The following PIEZO2 variants were observed in gnomAD, a reference collection of about 807,000 sequenced individuals.
PIEZO2 encodes the protein piezo-type mechanosensitive ion channel component 2.
PIEZO2 carries 172 observed loss-of-function variants against 337.3 expected under a neutral mutation model. The observed-to-expected ratio is 0.51, with a 90% CI of 0.45 to 0.58. The LOEUF (loss-of-function observed/expected upper bound fraction) is 0.58. PIEZO2 is among the 20% of genes least tolerant of loss of function. PIEZO2 has a pLI of 0.00. For synonymous variants in PIEZO2, 1,251 were observed against 1,228.5 expected, an observed-to-expected ratio of 1.02 and a Z score of -0.38; for missense variants, 3,028 against 3,391.3, an observed-to-expected ratio of 0.89 and a Z score of 2.66.
In PIEZO2 at chr18:10,757,126, G is replaced by A. The variant is rs1046744785; in HGVS notation, c.3923+843C>T. Among the ~76,000 whole-genome samples, 10 of 151,270 alleles carry A rather than the reference G, an allele frequency of 6.6e-5. No homozygotes were observed. The South Asian group carries it at 2.1e-3, about 32-fold the overall frequency. On this transcript the variant is annotated intron_variant, in intron 27 of 55. Transcript: ENST00000674853. ...GGAGGAGAAATGGGGATAAGGATGA[G>A]GGTTGGGGATAAAGTTGAGGGATGG...
chr18:10,763,348 G>C, intron 21 of PIEZO2: 2 of 472,002 alleles, frequency 4.2e-6, no homozygotes, highest in Non-Finnish European at 7.5e-6. Context: ...TGTAGCACTG[G>C]CTAAGCTATC....
chr18:10,763,161 C>T, intron 21 of PIEZO2, 63 bp from the exon 22 acceptor site: 1 of 1,465,696 alleles, frequency 6.8e-7, no homozygotes, highest in Non-Finnish European at 9.2e-7. Flanking sequence ...AACAGGACAG[C>T]CACAAAACAG....
chr18:10,698,856 C>T (rs1182709097), intron 44 of PIEZO2, 69 bp downstream of exon 44: 7 of 1,520,020 alleles, frequency 4.6e-6, no homozygotes, highest in African/African-American at 1.4e-5. Context: ...GCCCCAGACC[C>T]ACAGGCACCA....
At position 10,822,430 on chromosome 18, in the gene PIEZO2, G is replaced by A. The variant is rs537206542; in HGVS notation, c.918-15156C>T. Among the ~76,000 whole-genome samples the A allele has an allele frequency of 1.6e-4, 25 of 152,316 alleles. No homozygotes were observed. The East Asian group carries it at 4.2e-3, about 26-fold the overall frequency. On this transcript the variant is annotated intron_variant, in intron 7 of 55. Coordinates refer to ENST00000674853, the MANE Select transcript of PIEZO2 (RefSeq NM_001378183.1). ...TTAAAATTCCCTTTTCCAGGGTGGT[G>A]ATGGCTAAAAATACCTTTGAGAAAA...
chr18:10,776,695 G>A (rs903518426), intron 18 of PIEZO2, among the ~76,000 whole-genome samples: 6 of 152,126 alleles, frequency 3.9e-5, no homozygotes, highest in South Asian at 2.1e-4. Context: ...GAGTGGGAGC[G>A]GCAGAGGTGG....
chr18:10,752,605 G>A (rs574157027), intron 28 of PIEZO2, 31 bp downstream of exon 28: 22 of 1,533,012 alleles, frequency 1.4e-5, no homozygotes, highest in Admixed American at 3.9e-5. Context: ...CACGAAAACC[G>A]CAAATGTGTT....
At chr18:10,696,040 G>A (rs1484245937) in intron 47 of PIEZO2, 34 bp downstream of exon 47, 4 of 1,566,810 alleles carry the variant, frequency 2.6e-6, no homozygotes, top group Non-Finnish European at 3.5e-6. Context: ...TTGCATGGAG[G>A]CAGGTTGGTG....
At position 11,009,499 on chromosome 18, in the gene PIEZO2, C is replaced by T. The variant is rs937930305; in HGVS notation, c.161-29839G>A. On this transcript the variant is annotated intron_variant, in intron 2 of 55. Coordinates refer to ENST00000674853, the MANE Select transcript of PIEZO2 (RefSeq NM_001378183.1). This position sits in a 1 kb window ranked among gnomAD's most constrained non-coding sequence, Gnocchi z 4.6. ...AGCTCAGCTCATGGACTGGTTGAGG[C>T]GCGTGTGAGAGCAGCGTATGAGAGT... Among the ~76,000 whole-genome samples the T allele has an allele frequency of 1.8e-4, 27 of 152,256 alleles. No individual in the cohort carries two copies. Among genetic ancestry groups the T allele is most frequent in the African/African-American group, 6.0e-4 (25 of 41,556 alleles).
intron 3 of PIEZO2, among the ~76,000 whole-genome samples, chr18:10,966,205 A>T (rs2033991183): frequency 6.6e-6 from 1 of 152,220 alleles, no homozygotes; most frequent in Admixed American, 6.5e-5. Flanking sequence ...CAAGCCAGAA[A>T]TCTGGGCATC....
At chr18:11,024,522 G>A (rs1483194495) in intron 2 of PIEZO2, among the ~76,000 whole-genome samples, 1 of 147,240 alleles carries the variant, frequency 6.8e-6, no homozygotes, top group Non-Finnish European at 1.5e-5. Context: ...CTCCAGCCTG[G>A]GCGACAGAGC....
chr18:10,696,836 G>T (rs1376278134), intron 45 of PIEZO2, among the ~76,000 whole-genome samples: 1 of 152,178 alleles, frequency 6.6e-6, no homozygotes, highest in Admixed American at 6.5e-5. Context: ...GAGGTGTTGG[G>T]TTTGTAGCCT....
chr18:11,054,222 C>A (rs1444075424), intron 2 of PIEZO2, among the ~76,000 whole-genome samples: 1 of 152,184 alleles, frequency 6.6e-6, no homozygotes, highest in African/African-American at 2.4e-5. Flanking sequence ...AAATGCCCAT[C>A]CTTGTAAGCG....
In PIEZO2 at chr18:10,943,531, G is replaced by A. The variant is rs2032835078; in HGVS notation, c.287-32303C>T. On this transcript the variant is annotated intron_variant, in intron 3 of 55. Transcript: ENST00000674853. This position sits in a 1 kb window ranked among gnomAD's most constrained non-coding sequence, Gnocchi z 4.5. ...TGGCCAATTTCTGCCATTTGGAATG[G>A]CTTTATTTGCCCAATGCCTTTACCC... Among the ~76,000 whole-genome samples the A allele has an allele frequency of 6.6e-6, 1 of 152,192 alleles. No homozygotes were observed. The highest frequency in any genetic ancestry group is 1.5e-5 in the Non-Finnish European group (1 of 68,030).
chr18:10,864,044 G>A (rs2041944387), intron 5 of PIEZO2, among the ~76,000 whole-genome samples: 1 of 152,204 alleles, frequency 6.6e-6, no homozygotes, highest in African/African-American at 2.4e-5. Context: ...GACAAAGGCA[G>A]CATTTTGAGG....
chr18:10,901,429 C>T (rs924539057), intron 4 of PIEZO2, among the ~76,000 whole-genome samples: 2 of 89,810 alleles, frequency 2.2e-5, no homozygotes, highest in African/African-American at 4.7e-5. Flanking sequence ...CACACACACA[C>T]GCACACACAC....
intron 37 of PIEZO2, 64 bp downstream of exon 37, chr18:10,718,136 A>G: frequency 7.3e-7 from 1 of 1,378,048 alleles, no homozygotes; most frequent in African/African-American, 1.4e-5. Context: ...CTTCCATTAT[A>G]TACGATCTGG....
intron 47 of PIEZO2, 27 bp downstream of exon 47, chr18:10,696,047 G>C: frequency 6.3e-7 from 1 of 1,583,238 alleles, no homozygotes; most frequent in South Asian, 1.1e-5. Flanking sequence ...GAGGCAGGTT[G>C]GTGCCTCTGG....
rs1462809433 is a variant in PIEZO2, at chr18:10,988,454, A to G, written c.161-8794T>C. 6.6e-6 allele frequency among the ~76,000 whole-genome samples: 1 copy of G among 152,214 alleles called. No individual in the cohort carries two copies. Among genetic ancestry groups the G allele is most frequent in the African/African-American group, 2.4e-5 (1 of 41,462 alleles). ...AAAGATAACAAGTGTTGGAGAGGGA[A>G]ACATGGAGAAAAGAGAACTCTTATA... On this transcript the variant is annotated intron_variant, in intron 2 of 55. Transcript: ENST00000674853. The surrounding 1 kb of genome is among the most constrained non-coding windows in gnomAD (Gnocchi z 4.8).
chr18:10,934,203 T>G (rs1209917099), intron 3 of PIEZO2, among the ~76,000 whole-genome samples: 1 of 152,086 alleles, frequency 6.6e-6, no homozygotes, highest in African/African-American at 2.4e-5. Flanking sequence ...AAAAAGGGAG[T>G]GTTAATTGAA....
Sources: gnomAD v4.1 joint callset for allele counts (sites outside exome capture counted in the v4.1 genomes callset) on GRCh38, gnomAD v4.1.1 for gene constraint, Gnocchi (gnomAD v3.1) non-coding constraint, MANE v1.5 for transcripts, NCBI Gene and HGNC (gene_info 2026-07-23, HGNC 2026-07-21) for gene names.